Variants in GMDS observed in about 807,000 individuals in gnomAD.
GMDS encodes GDP-mannose 4,6 dehydratase.
GMDS carries 20 observed loss-of-function variants against 49.9 expected under a neutral mutation model. That is an observed-to-expected ratio of 0.40 (90% confidence interval 0.28 to 0.58). The LOEUF is 0.58. GMDS is among the 20% of genes least tolerant of loss of function. The probability of loss-of-function intolerance (pLI) is 0.42; values close to 1 mark genes in which losing one functional copy is unlikely to be tolerated. For missense variants in GMDS, 362 were observed against 481.4 expected, an observed-to-expected ratio of 0.75 and a Z score of 2.32; for synonymous variants, 177 against 178.6, an observed-to-expected ratio of 0.99 and a Z score of 0.07.
intron 1 of GMDS, among the ~76,000 whole-genome samples, chr6:2,209,843 G>A (rs1779987469): frequency 6.6e-6 from 1 of 152,054 alleles, no homozygotes; most frequent in East Asian, 1.9e-4. Context: ...AGCTGTTTCA[G>A]ATAAACCAAG....
At chr6:1,697,727 T>C (rs1315686866) in intron 9 of GMDS, among the ~76,000 whole-genome samples, 1 of 152,206 alleles carries the variant, frequency 6.6e-6, no homozygotes, top group East Asian at 1.9e-4. Flanking sequence ...TGGGTGTTTC[T>C]GATGCTTGTG....
intron 7 of GMDS, among the ~76,000 whole-genome samples, chr6:1,881,619 C>T (rs750012547): frequency 3.9e-5 from 6 of 152,172 alleles, no homozygotes; most frequent in East Asian, 1.9e-4. Context: ...GGCAGGTATA[C>T]GAGGCAAATC....
At chr6:2,172,678 T>G (rs1778077406) in intron 1 of GMDS, among the ~76,000 whole-genome samples, 2 of 151,606 alleles carry the variant, frequency 1.3e-5, no homozygotes. Flanking sequence ...GGCGACACAG[T>G]GAGGCTCCAT....
chr6:1,883,264 G>T (rs1040607248), intron 7 of GMDS, among the ~76,000 whole-genome samples: 1 of 152,012 alleles, frequency 6.6e-6, no homozygotes, highest in Non-Finnish European at 1.5e-5. Flanking sequence ...GGTGAGGCAC[G>T]CCTACAATCC....
chr6:1,981,895 T>G (rs544034133), intron 4 of GMDS, among the ~76,000 whole-genome samples: 1 of 152,270 alleles, frequency 6.6e-6, no homozygotes, highest in Non-Finnish European at 1.5e-5. Context: ...ATGTGATTCA[T>G]CACATAAACA....
chr6:1,704,871 AG>A (rs1334554448), intron 9 of GMDS, among the ~76,000 whole-genome samples: 1 of 125,102 alleles, frequency 8.0e-6, no homozygotes, highest in Admixed American at 9.0e-5. Flanking sequence ...GGCGGGGGTG[AG>A]GGGTGTGAGG....
At chr6:1,884,669 T>C (rs1357853815) in intron 7 of GMDS, among the ~76,000 whole-genome samples, 1 of 152,218 alleles carries the variant, frequency 6.6e-6, no homozygotes, top group East Asian at 1.9e-4. Context: ...TTGTAAATGT[T>C]CCCAGTCCTC....
intron 7 of GMDS, among the ~76,000 whole-genome samples, chr6:1,816,239 G>A (rs1770667755): frequency 6.6e-6 from 1 of 152,122 alleles, no homozygotes; most frequent in South Asian, 2.1e-4. Context: ...CATCCCAGGT[G>A]GTATTTATGG....
At position 1,943,209 on chromosome 6, in the gene GMDS, TTC is replaced by T. The variant is rs549195265; in HGVS notation, c.644-12981_644-12980del. Among the ~76,000 whole-genome samples, 106 of 152,292 alleles carry T rather than the reference TTC, an allele frequency of 7.0e-4. 1 individual carries two copies. The highest frequency in any genetic ancestry group is 1.3e-3 in the Non-Finnish European group (90 of 68,026). ...GTCTTCTCCTTCTCTGGACGGCCCC[TTC>T]TCTGAGAAACATCTGTATCCACAGC... On this transcript the variant is annotated intron_variant, in intron 6 of 10. Transcript: ENST00000380815.
intron 4 of GMDS, among the ~76,000 whole-genome samples, chr6:2,072,049 C>T (rs190440224): frequency 3.0e-4 from 45 of 152,264 alleles, no homozygotes; most frequent in Non-Finnish European, 5.6e-4. Flanking sequence ...AGGGTTCTTG[C>T]CAGGCAGGGG....
intron 6 of GMDS, among the ~76,000 whole-genome samples, chr6:1,957,701 G>A (rs1301273007): frequency 1.3e-5 from 2 of 152,122 alleles, no homozygotes; most frequent in Non-Finnish European, 2.9e-5. Context: ...GTTAACAGTG[G>A]GTCTGAGGAT....
intron 6 of GMDS, among the ~76,000 whole-genome samples, chr6:1,955,907 T>C (rs942170615): frequency 7.2e-5 from 11 of 152,198 alleles, no homozygotes; most frequent in African/African-American, 2.4e-4. Context: ...ATGTATATCA[T>C]CAGTTACTAG....
At position 1,682,322 on chromosome 6, in the gene GMDS, G is replaced by A. The variant is rs1305874377; in HGVS notation, c.987+44094C>T. Among the ~76,000 whole-genome samples the A allele has an allele frequency of 4.6e-5, 7 of 152,344 alleles. No homozygotes were observed. The East Asian group carries it at 9.6e-4, about 21-fold the overall frequency. On this transcript the variant is annotated intron_variant, in intron 9 of 10. Transcript: ENST00000380815. ...CCTTCAGACAGAAAGAGGCAGCAGT[G>A]TCTGAGCCCAAACGAGCTCCTCTGC... is the stretch of plus-strand genomic sequence containing the variant.
At chr6:1,633,662 T>C (rs907093786) in intron 9 of GMDS, among the ~76,000 whole-genome samples, 2 of 152,124 alleles carry the variant, frequency 1.3e-5, no homozygotes, top group African/African-American at 4.8e-5. Flanking sequence ...TGAGGGTCTC[T>C]TGGGGACACT....
At chr6:2,235,127 A>C (rs1169409213) in intron 1 of GMDS, among the ~76,000 whole-genome samples, 1 of 152,044 alleles carries the variant, frequency 6.6e-6, no homozygotes, top group African/African-American at 2.4e-5. Context: ...CTCCATCTCA[A>C]AAAAAACAAA....
chr6:2,107,825 T>A (rs1185809352), intron 4 of GMDS, among the ~76,000 whole-genome samples: 1 of 152,214 alleles, frequency 6.6e-6, no homozygotes, highest in East Asian at 1.9e-4. Flanking sequence ...TGCAGGGATA[T>A]TAGGTCTAAA....
At chr6:1,827,895 A>C (rs919993936) in intron 7 of GMDS, among the ~76,000 whole-genome samples, 2 of 152,188 alleles carry the variant, frequency 1.3e-5, no homozygotes, top group Non-Finnish European at 2.9e-5. Context: ...ACAATGGAAA[A>C]ATAAGACATA....
intron 7 of GMDS, among the ~76,000 whole-genome samples, chr6:1,889,695 C>G (rs1256575240): frequency 1.3e-5 from 2 of 152,172 alleles, no homozygotes; most frequent in Non-Finnish European, 2.9e-5. Context: ...GGGAGTCACA[C>G]AACCATTACC....
At chr6:1,646,288 C>A (rs961023020) in intron 9 of GMDS, among the ~76,000 whole-genome samples, 2 of 152,188 alleles carry the variant, frequency 1.3e-5, no homozygotes, top group Non-Finnish European at 2.9e-5. Flanking sequence ...CATCCTCCCG[C>A]TTCACAGACC....
Sources: gnomAD v4.1 joint callset for allele counts (sites outside exome capture counted in the v4.1 genomes callset) on GRCh38, gnomAD v4.1.1 for gene constraint, MANE v1.5 for transcripts, NCBI Gene and HGNC (gene_info 2026-07-23, HGNC 2026-07-21) for gene names.